MED13L: variants seen among roughly 807,000 people sequenced by gnomAD.
The protein encoded by MED13L is mediator of RNA polymerase II transcription subunit 13-like.
A neutral mutation model predicts 220.9 loss-of-function variants in MED13L; 7 were observed. That is an observed-to-expected ratio of 0.03 (90% CI 0.02 to 0.06). MED13L has a LOEUF of 0.06. MED13L is among the 10% of genes least tolerant of loss of function. MED13L has a pLI of 1.00. For synonymous variants in MED13L, 1,011 were observed against 1,015.2 expected (o/e 1.00, Z 0.08); for missense variants, 1,965 against 2,760.5 (o/e 0.71, Z 6.46).
At chr12:116,276,697 C>T in intron 1 of MED13L, 1 of 1,199,244 alleles carries the variant, frequency 8.3e-7, no homozygotes, top group Non-Finnish European at 1.1e-6. Flanking sequence ...CAAGGCAAAG[C>T]CTTCCACATT....
intron 1 of MED13L, among the ~76,000 whole-genome samples, chr12:116,268,109 G>C (rs1397483421): frequency 6.6e-6 from 1 of 152,166 alleles, no homozygotes; most frequent in East Asian, 1.9e-4. Flanking sequence ...TAGTTAATGA[G>C]CACCTAGCAA....
At chr12:116,044,314 T>A (rs1881705684) in intron 4 of MED13L, among the ~76,000 whole-genome samples, 2 of 152,204 alleles carry the variant, frequency 1.3e-5, no homozygotes, top group African/African-American at 4.8e-5. Context: ...CTGAGAAAAG[T>A]GAAGTCTGTA....
At chr12:116,119,696 C>T (rs1565886334) in intron 2 of MED13L, among the ~76,000 whole-genome samples, 1 of 150,208 alleles carries the variant, frequency 6.7e-6, no homozygotes, top group African/African-American at 2.5e-5. Context: ...TCCTAGCTTC[C>T]TGGGAGGCTG....
rs189822016 is a variant in MED13L, at chr12:116,168,367, C to T, written c.311-56855G>A. 6.0e-5 allele frequency among the ~76,000 whole-genome samples: 9 copies of T among 149,712 alleles called. No homozygotes were observed. The East Asian group carries it at 1.6e-3, about 26-fold the overall frequency. Reference sequence around the variant, plus strand: ...AAAAGGTACAAGAGGTACAAGGTGACGAGAAGCTATTAACTGTCAAACACA... The same window carrying T: ...AAAAGGTACAAGAGGTACAAGGTGATGAGAAGCTATTAACTGTCAAACACA... On this transcript the variant is annotated intron_variant, in intron 2 of 30. Coordinates refer to ENST00000281928, the MANE Select transcript of MED13L (RefSeq NM_015335.5).
chr12:116,118,127 A>G (rs1402740535), intron 2 of MED13L, among the ~76,000 whole-genome samples: 1 of 152,156 alleles, frequency 6.6e-6, no homozygotes, highest in African/African-American at 2.4e-5. Flanking sequence ...TATTTTTTAA[A>G]TGCTAAAAAT....
chr12:115,989,243 C>A (rs2137298120), intron 17 of MED13L, among the ~76,000 whole-genome samples: 1 of 152,320 alleles, frequency 6.6e-6, no homozygotes, highest in Non-Finnish European at 1.5e-5. Context: ...TCTGCTCCCA[C>A]CACTCTACAG....
intron 2 of MED13L, among the ~76,000 whole-genome samples, chr12:116,226,298 G>C (rs1347991237): frequency 2.6e-5 from 4 of 152,072 alleles, no homozygotes; most frequent in Non-Finnish European, 4.4e-5. Context: ...TGAACTCACT[G>C]CCAAATCCCA....
At chr12:116,096,821 C>T (rs1872673796) in intron 3 of MED13L, 69 bp from the exon 4 acceptor site, 1 of 1,086,672 alleles carries the variant, frequency 9.2e-7, no homozygotes, top group Non-Finnish European at 1.4e-6. Flanking sequence ...TGAAGCAATA[C>T]ACCAGATGAG....
At chr12:115,965,970 A>C in intron 29 of MED13L, 112 bp downstream of exon 29, 2 of 1,350,086 alleles carry the variant, frequency 1.5e-6, no homozygotes, top group Non-Finnish European at 1.0e-6. Flanking sequence ...ATACAAGAGA[A>C]AAAAGGAACA....
At chr12:116,101,396 C>G (rs574276565) in intron 3 of MED13L, among the ~76,000 whole-genome samples, 1 of 152,242 alleles carries the variant, frequency 6.6e-6, no homozygotes, top group South Asian at 2.1e-4. Flanking sequence ...GAAATGAATG[C>G]CATATACCAA....
chr12:116,162,339 A>G (rs1242563598), intron 2 of MED13L, among the ~76,000 whole-genome samples: 1 of 152,232 alleles, frequency 6.6e-6, no homozygotes, highest in East Asian at 1.9e-4. Context: ...ATTAGAATGG[A>G]GGCTGCACCG....
At chr12:116,176,070 G>T (rs1264026951) in intron 2 of MED13L, among the ~76,000 whole-genome samples, 1 of 152,126 alleles carries the variant, frequency 6.6e-6, no homozygotes, top group East Asian at 1.9e-4. Flanking sequence ...CAAGTGGAGT[G>T]AGAGGAGAAA....
At position 116,145,715 on chromosome 12, in the gene MED13L, TAG is replaced by T. The variant is rs1008173944; in HGVS notation, c.311-34205_311-34204del. Reference sequence around the variant, plus strand: ...TTTATTTATTTATTTTAAATTTTTGTAGAGTCTTGCTAAGTAGCCTTGGCTGG... The same window carrying T: ...TTTATTTATTTATTTTAAATTTTTGTAGTCTTGCTAAGTAGCCTTGGCTGG... On this transcript the variant is annotated intron_variant, in intron 2 of 30. Coordinates refer to ENST00000281928, the MANE Select transcript of MED13L (RefSeq NM_015335.5). Among the ~76,000 whole-genome samples the T allele has an allele frequency of 1.1e-3, 156 of 141,348 alleles. 1 individual carries two copies. The highest frequency in any genetic ancestry group is 3.9e-3 in the African/African-American group (146 of 36,986). 92.7% of individuals were successfully genotyped at this position (141,348 alleles called of 152,430 possible).
At chr12:116,052,836 A>T (rs1868622219) in intron 4 of MED13L, among the ~76,000 whole-genome samples, 1 of 152,236 alleles carries the variant, frequency 6.6e-6, no homozygotes, top group South Asian at 2.1e-4. Flanking sequence ...AACAAGGAAG[A>T]ATTTACAAGA....
At chr12:116,249,930 A>G (rs1285927178) in intron 1 of MED13L, among the ~76,000 whole-genome samples, 2 of 150,968 alleles carry the variant, frequency 1.3e-5, no homozygotes, top group Non-Finnish European at 3.0e-5. Context: ...GGGGACAAAA[A>G]TAATTTCAGA....
At chr12:116,029,625 G>T (rs571933535) in intron 4 of MED13L, among the ~76,000 whole-genome samples, 2 of 151,892 alleles carry the variant, frequency 1.3e-5, no homozygotes, top group Non-Finnish European at 2.9e-5. Flanking sequence ...ATAAAACAAC[G>T]AAATATTTTA....
intron 4 of MED13L, among the ~76,000 whole-genome samples, chr12:116,031,763 G>GAAAAGAAAAGAAAA (rs1566020961): frequency 1.9e-4 from 19 of 102,224 alleles, no homozygotes; most frequent in East Asian, 2.8e-4. Context: ...AAGAAAAGAA[G>GAAAAGAAAAGAAAA]GAAGGAAGGA....
At chr12:116,276,795 C>A in intron 1 of MED13L, 1 of 1,242,162 alleles carries the variant, frequency 8.1e-7, no homozygotes, top group Non-Finnish European at 1.1e-6. Flanking sequence ...ACCCAGAATC[C>A]GCAGCTCCGA....
At chr12:115,971,461 T>G (rs939739429) in intron 26 of MED13L, among the ~76,000 whole-genome samples, 1 of 152,224 alleles carries the variant, frequency 6.6e-6, no homozygotes, top group Admixed American at 6.5e-5. Context: ...AAGAAATATC[T>G]GGATGGTAAA....
Sources: gnomAD v4.1 joint callset for allele counts (sites outside exome capture counted in the v4.1 genomes callset) on GRCh38, gnomAD v4.1.1 for gene constraint, MANE v1.5 for transcripts, NCBI Gene and HGNC (gene_info 2026-07-23, HGNC 2026-07-21) for gene names.